The following GRIA3 variants were observed in gnomAD, a reference collection of about 807,000 sequenced individuals.
GRIA3 encodes glutamate ionotropic receptor AMPA type subunit 3, also known as glutamate receptor 3.
GRIA3 carries 3 observed loss-of-function variants against 63.0 expected under a neutral mutation model. That is an observed-to-expected ratio of 0.05 (90% CI 0.02 to 0.12). GRIA3 has a LOEUF of 0.12. GRIA3 is among the 10% of genes least tolerant of loss of function. The pLI is 1.00. For synonymous variants in GRIA3, 274 were observed against 257.9 expected (o/e 1.06, Z -0.60); for missense variants, 347 against 700.9 (o/e 0.50, Z 5.70).
chrX:123,266,427 G>A (rs1472472729), intron 3 of GRIA3, among the ~76,000 whole-genome samples: 3 of 111,407 alleles, frequency 2.7e-5, no homozygotes, highest in Non-Finnish European at 5.7e-5. Context: ...GCCCAAAGTA[G>A]AAACCTCATC....
chrX:123,354,920 T>C lies in GRIA3; in HGVS notation c.707T>C (p.Leu236Pro). ...TTCTTCTTTCTGCAGGTTGTGATCCTAGGGAAACACTCAAGAGGTTATCAC... is the reference window on the plus strand; with the variant it reads ...TTCTTCTTTCTGCAGGTTGTGATCCCAGGGAAACACTCAAGAGGTTATCAC... ...INTILEQVVI[L>P]GKHSRGYHYM... The change falls in exon 5 of 16, where the codon CTA becomes CCA. Residue 236 changes from leucine (L) to proline (P), a missense_variant. Leu to Pro is a moderately conservative substitution (Grantham distance 98, BLOSUM62 -3). This residue lies in a region of GRIA3 where 113 missense variants were observed against 130.6 expected (regional missense o/e 0.87). Coordinates refer to ENST00000620443, the MANE Select transcript of GRIA3 (RefSeq NM_007325.5). 8.3e-7 allele frequency: 1 copy of C among 1,198,587 alleles called. No individual in the cohort carries two copies. The highest frequency in any genetic ancestry group is 1.1e-6 in the Non-Finnish European group (1 of 883,339).
chrX:123,462,447 G>T (rs1170173002), intron 12 of GRIA3, among the ~76,000 whole-genome samples: 2 of 111,581 alleles, frequency 1.8e-5, no homozygotes, highest in Non-Finnish European at 3.8e-5. Flanking sequence ...TATAATTTGT[G>T]CAAACCAAAT....
intron 12 of GRIA3, among the ~76,000 whole-genome samples, chrX:123,441,036 T>C (rs888663573): frequency 1.8e-5 from 2 of 112,148 alleles, no homozygotes; most frequent in African/African-American, 6.5e-5. Context: ...CCATTCATAC[T>C]GAGCCCAGTA....
intron 12 of GRIA3, among the ~76,000 whole-genome samples, chrX:123,434,808 G>C (rs1362737468): frequency 9.0e-6 from 1 of 111,723 alleles, no homozygotes; most frequent in African/African-American, 3.3e-5. Flanking sequence ...TGGCTGGAAA[G>C]GACAATCTCC....
chrX:123,202,829 A>G (rs1253517188), intron 2 of GRIA3: 6 of 1,091,400 alleles, frequency 5.5e-6, no homozygotes, highest in Non-Finnish European at 7.4e-6. Context: ...GAAAGGGGAA[A>G]GAATCTTGTT....
In GRIA3 at chrX:123,464,932, C is replaced by T. The variant is rs751784496; in HGVS notation, c.2144C>T (p.Thr715Ile). ...YMKSAEPSVF[T>I]KTTADGVARV... ...AAATCAGCGGAGCCATCTGTGTTTA[C>T]CAAAACAACAGCAGACGGAGTGGCC... The change falls in exon 13 of 16, where the codon ACC becomes ATC. Residue 715 changes from threonine (T) to isoleucine (I), a missense_variant. By Grantham distance (89) the Thr-to-Ile change is moderately conservative. Coordinates refer to ENST00000620443, the MANE Select transcript of GRIA3 (RefSeq NM_007325.5). The T allele has an allele frequency of 3.3e-6, 4 of 1,209,248 alleles. No homozygotes were observed. The highest frequency in any genetic ancestry group is 3.4e-6 in the Non-Finnish European group (3 of 893,393).
intron 13 of GRIA3, among the ~76,000 whole-genome samples, chrX:123,472,723 G>C (rs752817990): frequency 9.0e-6 from 1 of 111,690 alleles, no homozygotes; most frequent in African/African-American, 3.3e-5. Flanking sequence ...GTATTTGAGA[G>C]GTTGTAATTT....
intron 2 of GRIA3, among the ~76,000 whole-genome samples, chrX:123,222,613 A>C (rs1226011986): frequency 3.6e-5 from 4 of 112,122 alleles, no homozygotes; most frequent in African/African-American, 1.3e-4. Flanking sequence ...TACCTGGGAA[A>C]GCTTTAACAA....
At chrX:123,262,550 TTTA>T (rs2044466048) in intron 3 of GRIA3, among the ~76,000 whole-genome samples, 2 of 112,099 alleles carry the variant, frequency 1.8e-5, no homozygotes, top group Admixed American at 9.4e-5. Flanking sequence ...CAATCTAGCA[TTTA>T]TTGAGTGTCT....
chrX:123,228,191 T>C (rs1290083876), intron 2 of GRIA3, among the ~76,000 whole-genome samples: 1 of 111,784 alleles, frequency 8.9e-6, no homozygotes, highest in East Asian at 2.8e-4. Context: ...AATGAAAGGA[T>C]AAAAAGGATA....
At chrX:123,229,840 A>G (rs1038707693) in intron 2 of GRIA3, among the ~76,000 whole-genome samples, 3 of 110,080 alleles carry the variant, frequency 2.7e-5, no homozygotes, top group Non-Finnish European at 5.6e-5. Flanking sequence ...CTGAATTGAG[A>G]TAACATATGT....
intron 4 of GRIA3, among the ~76,000 whole-genome samples, chrX:123,334,281 T>C (rs2044959993): frequency 9.0e-6 from 1 of 111,505 alleles, no homozygotes; most frequent in Non-Finnish European, 1.9e-5. Flanking sequence ...ACTTGTTCTA[T>C]AAATGCAAAG....
intron 10 of GRIA3, among the ~76,000 whole-genome samples, chrX:123,413,725 G>A (rs1303552080): frequency 3.6e-5 from 4 of 110,238 alleles, no homozygotes; most frequent in South Asian, 7.8e-4. Flanking sequence ...AGTTAGCCAC[G>A]ATGAGATGAG....
chrX:123,334,601 G>A (rs2044962760), intron 4 of GRIA3, among the ~76,000 whole-genome samples: 1 of 111,978 alleles, frequency 8.9e-6, no homozygotes, highest in African/African-American at 3.2e-5. Context: ...TCTGATAAAT[G>A]TTTGATTATT....
intron 5 of GRIA3, among the ~76,000 whole-genome samples, chrX:123,379,624 T>TG (rs1369027951): frequency 9.5e-6 from 1 of 105,403 alleles, no homozygotes; most frequent in Non-Finnish European, 1.9e-5. Context: ...CAACTTGTTT[T>TG]TTTTTTTTTT....
At chrX:123,243,301 T>G (rs1443164329) in intron 2 of GRIA3, among the ~76,000 whole-genome samples, 2 of 112,350 alleles carry the variant, frequency 1.8e-5, no homozygotes, top group Non-Finnish European at 3.8e-5. Context: ...TATTCTAATA[T>G]TTCCTCCCAT....
intron 2 of GRIA3, among the ~76,000 whole-genome samples, chrX:123,223,177 C>G (rs2044227853): frequency 8.9e-6 from 1 of 112,899 alleles, no homozygotes; most frequent in African/African-American, 3.2e-5. Context: ...TCACTGGACT[C>G]TTTCATGGCA....
chrX:123,327,712 G>A (rs766789775), intron 4 of GRIA3, among the ~76,000 whole-genome samples: 9 of 110,521 alleles, frequency 8.1e-5, no homozygotes, highest in East Asian at 5.7e-4. Flanking sequence ...TGTTAAGATC[G>A]GCATTACCCT....
chrX:123,389,065 T>TTG (rs1367688859), intron 5 of GRIA3, among the ~76,000 whole-genome samples: 1 of 112,449 alleles, frequency 8.9e-6, no homozygotes, highest in Non-Finnish European at 1.9e-5. Flanking sequence ...TTAAACTCCT[T>TTG]TGTGGCCTGA....
Sources: allele counts gnomAD v4.1 joint callset (sites outside exome capture counted in the v4.1 genomes callset), GRCh38; gene constraint gnomAD v4.1.1; regional missense constraint gnomAD v4.1.1; transcripts MANE v1.5; gene names NCBI Gene and HGNC (gene_info 2026-07-23, HGNC 2026-07-21).